The following EPC1 variants were observed in gnomAD, a reference collection of about 807,000 sequenced individuals.
The protein encoded by EPC1 is enhancer of polycomb homolog 1.
Under a neutral mutation model 98.4 loss-of-function variants are expected in EPC1, and 12 were observed. The observed-to-expected ratio is 0.12, with a 90% CI of 0.08 to 0.20. The LOEUF (loss-of-function observed/expected upper bound fraction) is 0.20, where lower values mean the gene tolerates loss of function less well. EPC1 is among the 10% of genes least tolerant of loss of function. The pLI is 1.00. For missense variants in EPC1, 729 were observed against 990.5 expected (o/e 0.74, Z 3.54); for synonymous variants, 357 against 363.9 (o/e 0.98, Z 0.21).
chr10:32,320,227 CTTT>C (rs201634644), intron 1 of EPC1, among the ~76,000 whole-genome samples: 1 of 150,648 alleles, frequency 6.6e-6, no homozygotes, highest in Non-Finnish European at 1.5e-5. Context: ...AGCAAAAGGA[CTTT>C]TTTTTTAAAA....
At position 32,284,917 on chromosome 10, in the gene EPC1, A is replaced by G; in HGVS notation, c.1525T>C (p.Ser509Pro). 6.2e-7 allele frequency: 1 copy of G among 1,614,150 alleles called. No homozygotes were observed. Among genetic ancestry groups the G allele is most frequent in the Non-Finnish European group, 8.5e-7 (1 of 1,180,018 alleles). Residue 509 changes from serine (S) to proline (P), a missense_variant, in exon 10 of 14, where the codon TCT becomes CCT. Coordinates refer to ENST00000319778, the MANE Select transcript of EPC1 (RefSeq NM_001272004.3). The stretch of plus-strand genomic sequence containing the variant: ...ATCTGACTGAGGTCTTTAGAGAAAG[A>G]TTTGTCCGAGGTATTTGTTTCTGAG... Reference protein sequence around the residue: ...NTSETNTSDKSFSKDLSQILV... With the variant: ...NTSETNTSDKPFSKDLSQILV...
chr10:32,286,465 C>T, intron 9 of EPC1: 2 of 509,116 alleles, frequency 3.9e-6, no homozygotes, highest in Non-Finnish European at 6.9e-6. Flanking sequence ...GGTTTTCCAC[C>T]TTGGGGAGAA....
chr10:32,299,080 C>T (rs937547805), intron 2 of EPC1, among the ~76,000 whole-genome samples: 5 of 152,176 alleles, frequency 3.3e-5, no homozygotes, highest in Admixed American at 6.5e-5. Context: ...TTTTATCATA[C>T]GCACATGTGC....
In EPC1 at chr10:32,300,393, C is replaced by T. The variant is rs556389837; in HGVS notation, c.313+5379G>A. On this transcript the variant is annotated intron_variant, in intron 2 of 13. Coordinates refer to ENST00000319778, the MANE Select transcript of EPC1 (RefSeq NM_001272004.3). Reference sequence around the variant, plus strand: ...ATATCTCCTAATGCTTTCCCTCCCGCCCCCGCTCCTGCATTTTTTCTATAG... The same window carrying T: ...ATATCTCCTAATGCTTTCCCTCCCGTCCCCGCTCCTGCATTTTTTCTATAG... 6.5e-4 allele frequency among the ~76,000 whole-genome samples: 98 copies of T among 151,078 alleles called. 1 individual carries two copies. The South Asian group carries it at 0.02, about 31-fold the overall frequency.
At chr10:32,343,188 C>T (rs893850165) in intron 1 of EPC1, among the ~76,000 whole-genome samples, 4 of 152,072 alleles carry the variant, frequency 2.6e-5, no homozygotes, top group Non-Finnish European at 5.9e-5. Context: ...ACATTGTTTT[C>T]ATCATCCGTT....
intron 1 of EPC1, among the ~76,000 whole-genome samples, chr10:32,344,235 C>T (rs966727950): frequency 2.6e-5 from 4 of 152,206 alleles, no homozygotes; most frequent in Non-Finnish European, 4.4e-5. Context: ...ATGATTTACA[C>T]ACCCTACCAC....
intron 1 of EPC1, among the ~76,000 whole-genome samples, chr10:32,367,536 T>C (rs1177616951): frequency 6.6e-6 from 1 of 152,228 alleles, no homozygotes; most frequent in East Asian, 1.9e-4. Context: ...TATTGGCATA[T>C]AAAATAACAT....
At chr10:32,299,936 C>A (rs553109289) in intron 2 of EPC1, among the ~76,000 whole-genome samples, 3 of 151,862 alleles carry the variant, frequency 2.0e-5, no homozygotes, top group African/African-American at 7.3e-5. Flanking sequence ...TATTTTGAGA[C>A]GGAAGCTCGC....
At chr10:32,373,579 A>C (rs1839809191) in intron 1 of EPC1, among the ~76,000 whole-genome samples, 1 of 152,198 alleles carries the variant, frequency 6.6e-6, no homozygotes, top group African/African-American at 2.4e-5. Context: ...AGCACGTCCT[A>C]CAAACCTGGC....
intron 9 of EPC1, chr10:32,286,400 C>T (rs1160243650): frequency 4.9e-6 from 2 of 405,630 alleles, no homozygotes; most frequent in African/African-American, 2.0e-5. Context: ...AGGATTTACA[C>T]TTGTCTTCAT....
At chr10:32,343,835 C>T (rs1296374567) in intron 1 of EPC1, among the ~76,000 whole-genome samples, 1 of 152,096 alleles carries the variant, frequency 6.6e-6, no homozygotes, top group Admixed American at 6.5e-5. Flanking sequence ...GTTAAAAGAC[C>T]TGGATTTCTG....
intron 1 of EPC1, among the ~76,000 whole-genome samples, chr10:32,373,810 C>G (rs1839815500): frequency 6.6e-6 from 1 of 152,226 alleles, no homozygotes; most frequent in African/African-American, 2.4e-5. Context: ...TGAACCAAAT[C>G]TAAAACTCAC....
At chr10:32,378,504 A>G in exon 1 of EPC1, 4 of 1,546,544 alleles carry the variant, frequency 2.6e-6, no homozygotes, top group Non-Finnish European at 2.6e-6. Flanking sequence ...TAGTGCAGGC[A>G]AAGAAGACGG....
chr10:32,319,416 T>C (rs190674392), intron 1 of EPC1, among the ~76,000 whole-genome samples: 41 of 152,282 alleles, frequency 2.7e-4, no homozygotes, highest in African/African-American at 9.9e-4. Context: ...ATAGTAACTA[T>C]ACTGTGGAGA....
At chr10:32,365,417 A>C (rs996972210) in intron 1 of EPC1, among the ~76,000 whole-genome samples, 1 of 152,216 alleles carries the variant, frequency 6.6e-6, no homozygotes, top group African/African-American at 2.4e-5. Context: ...TAATTAGCAC[A>C]GTCTTATTTA....
chr10:32,297,336 C>T (rs560745980), intron 2 of EPC1, among the ~76,000 whole-genome samples: 1 of 147,276 alleles, frequency 6.8e-6, no homozygotes, highest in Admixed American at 6.8e-5. Context: ...GGCTGGAGTG[C>T]AATGCTGTGA....
At chr10:32,287,415 C>T in intron 6 of EPC1, 141 bp from the exon 7 acceptor site, 1 of 809,218 alleles carries the variant, frequency 1.2e-6, no homozygotes, top group South Asian at 1.8e-5. Flanking sequence ...TATGTTTGGC[C>T]ATCTTATAGT....
At chr10:32,270,041 G>GT (rs35189685) in intron 13 of EPC1, among the ~76,000 whole-genome samples, 3 of 152,088 alleles carry the variant, frequency 2.0e-5, no homozygotes, top group Non-Finnish European at 4.4e-5. Flanking sequence ...CTAAACACTT[G>GT]TATTTCCTCA....
Position 32,347,119 on chromosome 10 carries a change from T to C in EPC1, c.-204A>G, listed in dbSNP as rs1838899145. 22 of 1,435,154 alleles carry C rather than the reference T, an allele frequency of 1.5e-5. No individual in the cohort carries two copies. In the East Asian group the frequency reaches 4.5e-4, roughly 30 times the overall value. 88.9% of individuals were successfully genotyped at this position (1,435,154 alleles called of 1,614,324 possible). A position where few individuals can be genotyped will look rare whatever the true frequency, so the allele number is the denominator to read the frequency against. On this transcript the variant is annotated 5_prime_UTR_variant, in exon 1 of 14. Transcript: ENST00000319778. ...CTCCTCTCTCGCTCGCTCTCTTCAA[T>C]ACGCCATGGCCAACATGGCGGACAT...
Sources: allele counts gnomAD v4.1 joint callset (sites outside exome capture counted in the v4.1 genomes callset), GRCh38; gene constraint gnomAD v4.1.1; transcripts MANE v1.5; gene names NCBI Gene and HGNC (gene_info 2026-07-23, HGNC 2026-07-21).